Variants in ANKH observed in about 807,000 individuals in gnomAD.
ANKH encodes mineralization regulator ANKH.
Under a neutral mutation model 49.0 loss-of-function variants are expected in ANKH, and 15 were observed. The observed-to-expected ratio is 0.31, with a 90% confidence interval of 0.20 to 0.47. ANKH has a LOEUF of 0.47. Ranked by LOEUF, ANKH falls within the 20% of genes least tolerant of loss-of-function variation. The probability of loss-of-function intolerance (pLI) is 1.00; values close to 1 mark genes in which losing one functional copy is unlikely to be tolerated. For missense variants in ANKH, 429 were observed against 652.0 expected (o/e 0.66, Z 3.72); for synonymous variants, 273 against 260.0 (o/e 1.05, Z -0.48).
intron 1 of ANKH, among the ~76,000 whole-genome samples, chr5:14,864,976 G>A (rs558634858): frequency 1.6e-4 from 24 of 151,862 alleles, no homozygotes; most frequent in Admixed American, 4.6e-4. Flanking sequence ...AAAATAAATC[G>A]GCGGCCAGGC....
At chr5:14,870,885 C>T (rs1317875737) in intron 1 of ANKH, 6 of 346,904 alleles carry the variant, frequency 1.7e-5, no homozygotes, top group Non-Finnish European at 3.4e-5. Context: ...ACCCCTAATC[C>T]TTACCTGGAC....
intron 1 of ANKH, among the ~76,000 whole-genome samples, chr5:14,814,124 T>C (rs1013562414): frequency 3.9e-5 from 6 of 152,246 alleles, no homozygotes; most frequent in Admixed American, 2.0e-4. Context: ...CAATGATCCC[T>C]TTCCCAATGT....
chr5:14,721,972 T>G (rs1056682369), intron 8 of ANKH, among the ~76,000 whole-genome samples: 2 of 149,888 alleles, frequency 1.3e-5, no homozygotes, highest in African/African-American at 4.9e-5. Context: ...TGGTATGTAT[T>G]AAAAGCTACA....
At chr5:14,824,795 G>A (rs1368983666) in intron 1 of ANKH, among the ~76,000 whole-genome samples, 1 of 152,070 alleles carries the variant, frequency 6.6e-6, no homozygotes, top group African/African-American at 2.4e-5. Context: ...GCCTGTCAGG[G>A]GGCATATCAG....
At chr5:14,853,486 A>AG (rs1477301428) in intron 1 of ANKH, among the ~76,000 whole-genome samples, 1 of 152,150 alleles carries the variant, frequency 6.6e-6, no homozygotes, top group African/African-American at 2.4e-5. Flanking sequence ...CTGAGGTGAG[A>AG]GGATCGCTTG....
chr5:14,747,022 A>G (rs1738562850), intron 6 of ANKH, among the ~76,000 whole-genome samples: 1 of 152,188 alleles, frequency 6.6e-6, no homozygotes, highest in Non-Finnish European at 1.5e-5. Context: ...TTGGATTCTC[A>G]AAATGCAACT....
In ANKH at chr5:14,720,463, A is replaced by T. The variant is rs1287628358; in HGVS notation, c.1012-3628T>A. Reference sequence around the variant, plus strand: ...GGTATGGTGGCAACTTCACATTACAATTCAAAACAACACTCAGCATGGAGT... The same window carrying T: ...GGTATGGTGGCAACTTCACATTACATTTCAAAACAACACTCAGCATGGAGT... On this transcript the variant is annotated intron_variant, in intron 8 of 11. Transcript: ENST00000284268. Among the ~76,000 whole-genome samples the T allele has an allele frequency of 2.0e-5, 3 of 152,302 alleles. No individual in the cohort carries two copies. In the East Asian group the frequency reaches 5.8e-4, roughly 29 times the overall value.
intron 3 of ANKH, among the ~76,000 whole-genome samples, chr5:14,756,918 T>C (rs1332238041): frequency 6.6e-6 from 1 of 152,138 alleles, no homozygotes; most frequent in Non-Finnish European, 1.5e-5. Flanking sequence ...AAGAAAAGAG[T>C]ACCAATTACA....
At position 14,709,927 on chromosome 5, in the gene ANKH, T is replaced by C. The variant is rs187733448; in HGVS notation, c.*1270A>G. On this transcript the variant is annotated 3_prime_UTR_variant, in exon 12 of 12. Transcript: ENST00000284268. ...TTTATATCTTTAAAATATTTTTTTTTTTAGGTTCTTTCAGTCTAGGAATTC... is the reference window on the plus strand; with the variant it reads ...TTTATATCTTTAAAATATTTTTTTTCTTAGGTTCTTTCAGTCTAGGAATTC... The C allele has an allele frequency of 6.6e-6, 1 of 152,306 alleles. No homozygotes were observed. Among genetic ancestry groups the C allele is most frequent in the Admixed American group, 6.5e-5 (1 of 15,282 alleles). The allele number at this position is 152,306 out of a possible 1,614,324, so 9.4% of individuals were successfully genotyped here.
In ANKH at chr5:14,709,266, T is replaced by C. The variant is rs1335757122; in HGVS notation, c.*1931A>G. 1 of 150,702 alleles carries C rather than the reference T, an allele frequency of 6.6e-6. No individual in the cohort carries two copies. Among genetic ancestry groups the C allele is most frequent in the African/African-American group, 2.4e-5 (1 of 41,076 alleles). The allele number at this position is 150,702 out of a possible 1,614,324, so 9.3% of individuals were successfully genotyped here. A position where few individuals can be genotyped will look rare whatever the true frequency, so the allele number is the denominator to read the frequency against. ...GTCACACATGTTAAAAAATACTGTT[T>C]AATTTTCTAGTAATGTCCTTTAAAA... On this transcript the variant is annotated 3_prime_UTR_variant, in exon 12 of 12. Coordinates refer to ENST00000284268, the MANE Select transcript of ANKH (RefSeq NM_054027.6).
At chr5:14,860,364 C>T (rs1419928078) in intron 1 of ANKH, among the ~76,000 whole-genome samples, 1 of 152,164 alleles carries the variant, frequency 6.6e-6, no homozygotes, top group African/African-American at 2.4e-5. Context: ...AAGTTACTGC[C>T]TCCTTATTAA....
intron 1 of ANKH, among the ~76,000 whole-genome samples, chr5:14,774,966 T>G (rs989093426): frequency 4.6e-5 from 7 of 152,160 alleles, no homozygotes; most frequent in Non-Finnish European, 1.0e-4. Context: ...GAAAGTATGA[T>G]TCAAGACCCC....
chr5:14,788,750 A>C (rs1335687847), intron 1 of ANKH, among the ~76,000 whole-genome samples: 1 of 152,218 alleles, frequency 6.6e-6, no homozygotes, highest in South Asian at 2.1e-4. Context: ...GCTAAGACAG[A>C]AACACAGGGG....
chr5:14,857,125 T>C (rs933178406), intron 1 of ANKH, among the ~76,000 whole-genome samples: 2 of 152,058 alleles, frequency 1.3e-5, no homozygotes, highest in African/African-American at 4.8e-5. Flanking sequence ...TTGCAGTACA[T>C]ATCGGGTCCA....
intron 1 of ANKH, among the ~76,000 whole-genome samples, chr5:14,843,873 G>A (rs1487543426): frequency 6.6e-6 from 1 of 152,224 alleles, no homozygotes. Flanking sequence ...TTCATACACA[G>A]TGGGCACACA....
chr5:14,749,841 T>C (rs1029426317), intron 5 of ANKH, among the ~76,000 whole-genome samples: 3 of 152,210 alleles, frequency 2.0e-5, no homozygotes, highest in Admixed American at 2.0e-4. Context: ...AAAAGCATAA[T>C]CAAAATAAAG....
chr5:14,825,533 T>A (rs1256123699), intron 1 of ANKH, among the ~76,000 whole-genome samples: 1 of 152,114 alleles, frequency 6.6e-6, no homozygotes, highest in African/African-American at 2.4e-5. Context: ...TGTATTTTTT[T>A]GTAGAGACAG....
At chr5:14,755,271 G>A (rs1422258779) in intron 4 of ANKH, among the ~76,000 whole-genome samples, 1 of 152,194 alleles carries the variant, frequency 6.6e-6, no homozygotes, top group Non-Finnish European at 1.5e-5. Context: ...CCAGGGCTGA[G>A]TGCCAGGGCT....
At chr5:14,772,105 C>G (rs1000456471) in intron 1 of ANKH, among the ~76,000 whole-genome samples, 1 of 152,044 alleles carries the variant, frequency 6.6e-6, no homozygotes, top group Non-Finnish European at 1.5e-5. Context: ...TCAAGTTATT[C>G]CTTGGTTTCA....
Sources: allele counts gnomAD v4.1 joint callset (sites outside exome capture counted in the v4.1 genomes callset), GRCh38; gene constraint gnomAD v4.1.1; transcripts MANE v1.5; gene names NCBI Gene and HGNC (gene_info 2026-07-23, HGNC 2026-07-21).